The following ERMP1 variants were observed in gnomAD, a reference collection of about 807,000 sequenced individuals.
ERMP1 encodes endoplasmic reticulum metallopeptidase 1.
A neutral mutation model predicts 92.0 loss-of-function variants in ERMP1; 86 were observed. The observed-to-expected ratio is 0.93, with a 90% CI of 0.79 to 1.12. ERMP1 has a LOEUF of 1.12. Among genes scored for constraint, ERMP1 ranks in the 50% most tolerant of loss-of-function variants. ERMP1 has a pLI of 0.00. For missense variants in ERMP1, 1,342 were observed against 1,116.3 expected (o/e 1.20, Z -2.88); for synonymous variants, 530 against 412.8 (o/e 1.28, Z -3.44).
At chr9:5,855,195 G>C (rs557283848) in intron 6 of ERMP1, among the ~76,000 whole-genome samples, 1 of 152,260 alleles carries the variant, frequency 6.6e-6, no homozygotes, top group East Asian at 1.9e-4. Flanking sequence ...TAAAAAAATA[G>C]AAGCTAAATC....
Position 5,798,822 on chromosome 9 carries a change from C to A in ERMP1, c.2254G>T (p.Val752Leu). 1 of 1,613,206 alleles carries A rather than the reference C, an allele frequency of 6.2e-7. No homozygotes were observed. The highest frequency in any genetic ancestry group is 8.5e-7 in the Non-Finnish European group (1 of 1,179,298). Residue 752 changes from valine to leucine, a missense_variant, in exon 12 of 15, where the codon GTG becomes TTG. Physicochemically the swap from Val to Leu is conservative, Grantham distance 32 (BLOSUM62 1). Coordinates refer to ENST00000339450, the MANE Select transcript of ERMP1 (RefSeq NM_024896.3). ...PLCGFPWYLP[V>L]HFLIRKNWYL... ...TGAACCAACCTGATCAGAAAGTGCACTGGAAGATACCAAGGAAAACCACAA... is the reference window on the plus strand; with the variant it reads ...TGAACCAACCTGATCAGAAAGTGCAATGGAAGATACCAAGGAAAACCACAA...
At chr9:5,794,027 G>C (rs1366626050) in intron 13 of ERMP1, among the ~76,000 whole-genome samples, 2 of 152,030 alleles carry the variant, frequency 1.3e-5, no homozygotes, top group African/African-American at 4.8e-5. Flanking sequence ...TTCATCAAGA[G>C]AGACCACATC....
upstream of ERMP1, among the ~76,000 whole-genome samples, chr9:5,834,065 C>G (rs1399737745): frequency 9.9e-5 from 15 of 152,204 alleles, no homozygotes; most frequent in Admixed American, 9.8e-4. Flanking sequence ...TGTCAGATTT[C>G]ATACAATGCC....
intron 8 of ERMP1, 139 bp from the exon 9 acceptor site, chr9:5,805,924 G>C (rs1038699382): frequency 3.2e-6 from 2 of 619,044 alleles, no homozygotes; most frequent in East Asian, 3.3e-5. Flanking sequence ...CTGATTTAAA[G>C]TAAACACTAA....
Position 5,811,285 on chromosome 9 carries a change from A to T in ERMP1, c.1153T>A (p.Ser385Thr). 6.2e-7 allele frequency: 1 copy of T among 1,613,978 alleles called. No homozygotes were observed. Among genetic ancestry groups the T allele is most frequent in the East Asian group, 2.2e-5 (1 of 44,880 alleles). Residue 385 changes from serine to threonine, a missense_variant, in exon 7 of 15, where the codon TCT (serine) becomes ACT (threonine). Physicochemically the swap from Ser to Thr is moderately conservative, Grantham distance 58. Coordinates refer to ENST00000339450, the MANE Select transcript of ERMP1 (RefSeq NM_024896.3). ...TTAGAAGCAGCAGCCAGCATATCAG[A>T]TGTAGCTAGATGCTTAAGAACTGCT... ...ILAVLKHLAT[S>T]DMLAAASKYR... is the part of the protein sequence containing the mutation.
chr9:5,834,237 C>G (rs1467230112), upstream of ERMP1, among the ~76,000 whole-genome samples: 1 of 152,132 alleles, frequency 6.6e-6, no homozygotes, highest in Non-Finnish European at 1.5e-5. Context: ...CTGGAGTGTT[C>G]TTCTCTCTCC....
chr9:5,791,283 C>G (rs1322087979), intron 13 of ERMP1: 1 of 456,602 alleles, frequency 2.2e-6, no homozygotes, highest in Admixed American at 2.3e-5. Context: ...GGCAGGCAGG[C>G]TGAAGAAAAA....
chr9:5,825,324 G>T, intron 2 of ERMP1, 105 bp from the exon 3 acceptor site: 1 of 1,086,510 alleles, frequency 9.2e-7, no homozygotes. Context: ...CATCACAATA[G>T]CTGCATGACC....
chr9:5,818,669 C>T (rs1171854846), intron 4 of ERMP1, among the ~76,000 whole-genome samples: 1 of 151,462 alleles, frequency 6.6e-6, no homozygotes, highest in African/African-American at 2.4e-5. Context: ...GCCATGACTG[C>T]TCCACCACAT....
intron 4 of ERMP1, among the ~76,000 whole-genome samples, chr9:5,818,022 A>T (rs1359466185): frequency 1.3e-5 from 2 of 152,192 alleles, no homozygotes; most frequent in African/African-American, 4.8e-5. Context: ...GTTCAAGAAT[A>T]GATCACATGG....
chr9:5,850,052 A>C (rs1290954820), intron 6 of ERMP1, among the ~76,000 whole-genome samples: 10 of 152,200 alleles, frequency 6.6e-5, no homozygotes, highest in Admixed American at 3.3e-4. Flanking sequence ...AGAGTGTTTA[A>C]GGAATAGGCC....
chr9:5,865,422 G>A (rs904812717), intron 5 of ERMP1, among the ~76,000 whole-genome samples: 2 of 151,050 alleles, frequency 1.3e-5, no homozygotes, highest in African/African-American at 4.9e-5. Context: ...GCAGGAGAAT[G>A]GCGTGAGCCC....
chr9:5,846,078 CT>C (rs780512966), intron 6 of ERMP1, among the ~76,000 whole-genome samples: 2 of 152,200 alleles, frequency 1.3e-5, no homozygotes, highest in Non-Finnish European at 2.9e-5. Context: ...TTCTGCACCC[CT>C]AACACAGCCC....
At position 5,787,572 on chromosome 9, in the gene ERMP1, T is replaced by C. The variant is rs138113241; in HGVS notation, c.2408A>G (p.Tyr803Cys). Residue 803 changes from tyrosine (Y) to cysteine (C), a missense_variant, in exon 14 of 15, where the codon TAT becomes TGT. Coordinates refer to ENST00000339450, the MANE Select transcript of ERMP1 (RefSeq NM_024896.3). ...TGTTGACCCTTTGTGGGCTCGAACA[T>C]AGAAGGACATATGGCTTGGTCCTGT... ...EATGPSHMSF[Y>C]VRAHKGSTLS... The C allele has an allele frequency of 1.4e-4, 224 of 1,613,042 alleles. 1 individual carries two copies. Among genetic ancestry groups the C allele is most frequent in the South Asian group, 4.7e-4 (43 of 90,988 alleles).
chr9:5,801,781 A>G (rs1245245534), intron 10 of ERMP1, among the ~76,000 whole-genome samples: 1 of 152,146 alleles, frequency 6.6e-6, no homozygotes, highest in East Asian at 1.9e-4. Context: ...CAACTGGCAT[A>G]GAGATGTACC....
chr9:5,842,378 C>T (rs761795860), intron 6 of ERMP1, among the ~76,000 whole-genome samples: 5 of 150,230 alleles, frequency 3.3e-5, no homozygotes, highest in African/African-American at 7.4e-5. Flanking sequence ...GAAGCCCAAC[C>T]GGCTTCACCT....
At position 5,801,296 on chromosome 9, in the gene ERMP1, T is replaced by G; in HGVS notation, c.1947A>C (p.Lys649Asn). The change falls in exon 11 of 15, where the codon AAA (lysine) becomes AAC (asparagine). Residue 649 changes from lysine (K) to asparagine (N), a missense_variant. Coordinates refer to ENST00000339450, the MANE Select transcript of ERMP1 (RefSeq NM_024896.3). ...INFIYLAKST[K>N]KTMLTLTLVC... ...CCAAAGTTAAAGTTAGCATGGTTTT[T>G]TTTGTGCTCTTGGCAAGGTAGATGA... The G allele has an allele frequency of 6.2e-7, 1 of 1,613,288 alleles. No homozygotes were observed. Among genetic ancestry groups the G allele is most frequent in the African/African-American group, 1.3e-5 (1 of 75,012 alleles).
At position 5,797,867 on chromosome 9, in the gene ERMP1, G is replaced by C. The variant is rs772288398; in HGVS notation, c.2336C>G (p.Ser779Cys). 22 of 1,613,718 alleles carry C rather than the reference G, an allele frequency of 1.4e-5. No individual in the cohort carries two copies. The highest frequency in any genetic ancestry group is 1.8e-5 in the Non-Finnish European group (21 of 1,179,832). Residue 779 changes from serine to cysteine, a missense_variant, in exon 13 of 15, where the codon TCC becomes TGC. By Grantham distance (112) the Ser-to-Cys change is moderately radical. Coordinates refer to ENST00000339450, the MANE Select transcript of ERMP1 (RefSeq NM_024896.3). ...AGAATCCCAAGGTGTCTGTTCTTTGGATATGAGTCGGAAATGAGGAGGATT... is the reference window on the plus strand; with the variant it reads ...AGAATCCCAAGGTGTCTGTTCTTTGCATATGAGTCGGAAATGAGGAGGATT... ...PRNPPHFRLI[S>C]KEQTPWDSIK...
chr9:5,833,124 C>T (rs984956611), upstream of ERMP1: 4 of 1,122,224 alleles, frequency 3.6e-6, no homozygotes, highest in Non-Finnish European at 4.7e-6. Context: ...TCCTAGTGAG[C>T]GGACGGAAAC....
Sources: allele counts gnomAD v4.1 joint callset (sites outside exome capture counted in the v4.1 genomes callset), GRCh38; gene constraint gnomAD v4.1.1; transcripts MANE v1.5; gene names NCBI Gene and HGNC (gene_info 2026-07-23, HGNC 2026-07-21).